Variants in NPR3 observed in about 807,000 individuals in gnomAD.
The protein encoded by NPR3 is natriuretic peptide receptor 3.
In NPR3, 34 loss-of-function variants were observed where a neutral mutation model predicts 54.5. The ratio of observed to expected loss-of-function variants is 0.62; its 90% confidence interval spans 0.47 to 0.83. The LOEUF (loss-of-function observed/expected upper bound fraction) is 0.83, where lower values mean the gene tolerates loss of function less well. Among genes scored for constraint, NPR3 ranks in the 40% least tolerant of loss-of-function variants. The pLI, the probability that NPR3 is intolerant of heterozygous loss-of-function variation, is 0.00. For missense variants in NPR3, 674 were observed against 720.8 expected (o/e 0.94, Z 0.74); for synonymous variants, 289 against 297.1 (o/e 0.97, Z 0.28).
chr5:32,698,336 TGTGGTCAGA>T (rs779784714), intron 1 of NPR3, among the ~76,000 whole-genome samples: 20 of 152,006 alleles, frequency 1.3e-4, no homozygotes, highest in Non-Finnish European at 2.5e-4. Context: ...TTTATTCCAT[TGTGGTCAGA>T]GAAGATGCTT....
At chr5:32,728,483 G>A (rs1030938005) in intron 2 of NPR3, among the ~76,000 whole-genome samples, 2 of 135,064 alleles carry the variant, frequency 1.5e-5, no homozygotes, top group Admixed American at 1.5e-4. Flanking sequence ...AAAAAAAAGA[G>A]TCTTTTTCTT....
upstream of NPR3, among the ~76,000 whole-genome samples, chr5:32,706,755 T>G (rs550245662): frequency 3.4e-4 from 52 of 152,294 alleles, no homozygotes; most frequent in African/African-American, 1.2e-3. Flanking sequence ...TTTCCTGATC[T>G]TAAATAAATT....
chr5:32,695,925 C>A (rs769196092), intron 1 of NPR3, among the ~76,000 whole-genome samples: 1 of 151,914 alleles, frequency 6.6e-6, no homozygotes, highest in Non-Finnish European at 1.5e-5. Context: ...AATTATTAAT[C>A]CCTTGTCAGA....
chr5:32,740,009 T>A (rs1176341609), intron 3 of NPR3, among the ~76,000 whole-genome samples: 4 of 152,134 alleles, frequency 2.6e-5, no homozygotes, highest in African/African-American at 9.7e-5. Context: ...GCCCCCTGAG[T>A]AGCTGGTACC....
intron 3 of NPR3, among the ~76,000 whole-genome samples, chr5:32,758,619 T>C (rs1246800232): frequency 6.6e-6 from 1 of 152,176 alleles, no homozygotes; most frequent in Non-Finnish European, 1.5e-5. Context: ...TCTTCTCTGA[T>C]CTTAGTTATT....
intron 3 of NPR3, among the ~76,000 whole-genome samples, chr5:32,740,783 C>T (rs909852645): frequency 5.3e-5 from 8 of 152,068 alleles, no homozygotes; most frequent in Non-Finnish European, 7.4e-5. Flanking sequence ...AGGCCTTGTT[C>T]GAGTGCTCAA....
intron 5 of NPR3, 79 bp downstream of exon 5, chr5:32,780,895 A>G: frequency 4.3e-6 from 3 of 704,182 alleles, no homozygotes; most frequent in Non-Finnish European, 7.7e-6. Context: ...CTGGTGGCCA[A>G]AGAGCTGTCT....
intron 3 of NPR3, among the ~76,000 whole-genome samples, chr5:32,739,235 C>T (rs896617475): frequency 1.3e-5 from 2 of 151,384 alleles, no homozygotes; most frequent in Non-Finnish European, 2.9e-5. Context: ...CTCAGTATAC[C>T]CACTATCATC....
chr5:32,756,658 TTAGACATGAACTCCTTGCC>T (rs1302209412), intron 3 of NPR3, among the ~76,000 whole-genome samples: 2 of 152,254 alleles, frequency 1.3e-5, no homozygotes, highest in Non-Finnish European at 2.9e-5. Flanking sequence ...TTTTGGTGTT[TTAGACATGAACTCCTTGCC>T]CATGCCTATG....
chr5:32,702,048 T>G (rs1737821846), intron 1 of NPR3, among the ~76,000 whole-genome samples: 1 of 152,136 alleles, frequency 6.6e-6, no homozygotes, highest in African/African-American at 2.4e-5. Flanking sequence ...TTAGGTTCAC[T>G]CAAGGCCCTG....
At chr5:32,735,237 C>T (rs1378029751) in intron 2 of NPR3, among the ~76,000 whole-genome samples, 1 of 152,042 alleles carries the variant, frequency 6.6e-6, no homozygotes, top group Non-Finnish European at 1.5e-5. Flanking sequence ...TTTCCATGTC[C>T]TTCTAACCCC....
Position 32,724,777 on chromosome 5 carries a change from C to A in NPR3, c.849C>A (p.Asp283Glu). ...ACAGGCATGGCATGACCAGTGGAGA[C>A]TACGCCTTCTTCAACATTGAGCTCT... The part of the protein sequence containing the change: ...VAHRHGMTSG[D>E]YAFFNIELFN... The change falls in exon 2 of 8, where the codon GAC (aspartate) becomes GAA (glutamate). Residue 283 changes from aspartate to glutamate, a missense_variant. Coordinates refer to ENST00000265074, the MANE Select transcript of NPR3 (RefSeq NM_001204375.2). 1 of 1,613,930 alleles carries A rather than the reference C, an allele frequency of 6.2e-7. No individual in the cohort carries two copies. Among genetic ancestry groups the A allele is most frequent in the South Asian group, 1.1e-5 (1 of 91,072 alleles).
intron 3 of NPR3, among the ~76,000 whole-genome samples, chr5:32,742,559 T>G (rs1347647848): frequency 6.6e-6 from 1 of 152,116 alleles, no homozygotes; most frequent in Non-Finnish European, 1.5e-5. Flanking sequence ...TTAAGTATAA[T>G]TAATTAAATT....
intron 2 of NPR3, among the ~76,000 whole-genome samples, chr5:32,727,102 G>A (rs1739176602): frequency 6.6e-6 from 1 of 152,004 alleles, no homozygotes; most frequent in Non-Finnish European, 1.5e-5. Context: ...TGGAATTGTT[G>A]GCTCAAAGGT....
chr5:32,715,507 G>A (rs1192842459), intron 1 of NPR3, among the ~76,000 whole-genome samples: 2 of 152,030 alleles, frequency 1.3e-5, no homozygotes, highest in Non-Finnish European at 1.5e-5. Flanking sequence ...TCATTTTAAG[G>A]ATTTACCATC....
upstream of NPR3, among the ~76,000 whole-genome samples, chr5:32,706,548 G>C (rs575957204): frequency 6.6e-6 from 1 of 152,186 alleles, no homozygotes; most frequent in South Asian, 2.1e-4. Flanking sequence ...TGTTTATTTT[G>C]AGAGTGTTTT....
chr5:32,731,814 CA>C (rs1467237038), intron 2 of NPR3, among the ~76,000 whole-genome samples: 1 of 152,108 alleles, frequency 6.6e-6, no homozygotes, highest in Non-Finnish European at 1.5e-5. Flanking sequence ...TGATTTTAAA[CA>C]AATGTAGAGA....
chr5:32,735,774 C>G (rs1325687848), intron 2 of NPR3, among the ~76,000 whole-genome samples: 1 of 152,202 alleles, frequency 6.6e-6, no homozygotes, highest in Non-Finnish European at 1.5e-5. Flanking sequence ...CTCTGCTTTC[C>G]TAATGCTCAA....
chr5:32,729,244 T>A (rs1389683586), intron 2 of NPR3, among the ~76,000 whole-genome samples: 1 of 151,940 alleles, frequency 6.6e-6, no homozygotes, highest in Non-Finnish European at 1.5e-5. Context: ...TTAGCCCGGA[T>A]GGTCTCGATC....
Sources: gnomAD v4.1 joint callset for allele counts (sites outside exome capture counted in the v4.1 genomes callset) on GRCh38, gnomAD v4.1.1 for gene constraint, MANE v1.5 for transcripts, NCBI Gene and HGNC (gene_info 2026-07-23, HGNC 2026-07-21) for gene names.